Variants in DNM1L observed in about 807,000 individuals in gnomAD.
DNM1L encodes the protein dynamin 1L.
Under a neutral mutation model 92.8 loss-of-function variants are expected in DNM1L, and 33 were observed. That is an observed-to-expected ratio of 0.36 (90% CI 0.27 to 0.48). The LOEUF is 0.48. Among genes scored for constraint, DNM1L ranks in the 20% least tolerant of loss-of-function variants. The pLI, the probability that DNM1L is intolerant of heterozygous loss-of-function variation, is 0.99. For synonymous variants in DNM1L, 284 were observed against 305.0 expected (o/e 0.93, Z 0.72); for missense variants, 485 against 888.8 (o/e 0.55, Z 5.78).
intron 2 of DNM1L, chr12:32,705,943 G>A (rs1213618008): frequency 1.5e-6 from 2 of 1,296,418 alleles, no homozygotes; most frequent in Non-Finnish European, 1.0e-6. Flanking sequence ...CAGGCTGTGT[G>A]TATTTTTTTT....
chr12:32,734,391 G>T (rs1191997660), intron 13 of DNM1L, among the ~76,000 whole-genome samples: 1 of 152,132 alleles, frequency 6.6e-6, no homozygotes, highest in South Asian at 2.1e-4. Flanking sequence ...CCCTAATTCA[G>T]TAAGACCTGA....
rs1400863032 is a variant in DNM1L at position 32,731,373 on chromosome 12, A to G, written c.1218A>G (p.Leu406=). The change falls in exon 11 of 20, where the codon TTA becomes TTG. Residue 406 remains leucine, a synonymous_variant. Coordinates refer to ENST00000549701, the MANE Select transcript of DNM1L (RefSeq NM_012062.5). This position sits in a 1 kb window ranked among gnomAD's most constrained non-coding sequence, Gnocchi z 5.1. ...IRNATGPRPA[L]FVPEVSFELL... ...TTTCTCAGGGTCCTCGTCCTGCTTT[A>G]TTTGTGCCTGAGGTTTCATTTGAGT... is the stretch of plus-strand genomic sequence containing the variant. 1 of 1,614,040 alleles carries G rather than the reference A, an allele frequency of 6.2e-7. No homozygotes were observed. Among genetic ancestry groups the G allele is most frequent in the African/African-American group, 1.3e-5 (1 of 74,918 alleles).
intron 13 of DNM1L, among the ~76,000 whole-genome samples, chr12:32,736,264 G>T (rs1416434568): frequency 6.6e-6 from 1 of 151,736 alleles, no homozygotes; most frequent in East Asian, 1.9e-4. Context: ...TAGAGACAGG[G>T]TTTCACCATT....
rs769836116 is a variant in DNM1L, at chr12:32,742,648, A to G, written c.2054A>G (p.Glu685Gly). Reference protein sequence around the residue: ...VNHVKDTLQSELVGQLYKSSL... With the variant: ...VNHVKDTLQSGLVGQLYKSSL... ...CATGTGAAAGACACTCTTCAGAGTG[A>G]GCTAGTAGGCCAGCTGTATAAATCA... The change falls in exon 19 of 20, where the codon GAG becomes GGG. Residue 685 changes from glutamate (E) to glycine (G), a missense_variant. Around this residue, in one of 11 missense-constraint regions of DNM1L, gnomAD observed 133 missense variants for 210.9 expected, o/e 0.63. Coordinates refer to ENST00000549701, the MANE Select transcript of DNM1L (RefSeq NM_012062.5). The G allele has an allele frequency of 2.5e-6, 4 of 1,614,152 alleles. No homozygotes were observed. In the South Asian group the frequency reaches 4.4e-5, roughly 18 times the overall value.
intron 7 of DNM1L, among the ~76,000 whole-genome samples, chr12:32,719,239 T>C (rs769770288): frequency 6.6e-6 from 1 of 152,204 alleles, no homozygotes; most frequent in South Asian, 2.1e-4. Context: ...CATGAGCCAC[T>C]GTGCCTGCCC....
At position 32,737,832 on chromosome 12, in the gene DNM1L, AT is replaced by A. The variant is rs770263681; in HGVS notation, c.1597-25del. ...TCCTGAATGCATTTTTGCATCCTTGATTTTTTTTCCCCCCTGGATTTTTTGC... is the reference window on the plus strand; with the variant it reads ...TCCTGAATGCATTTTTGCATCCTTGATTTTTTTCCCCCCTGGATTTTTTGC... On this transcript the variant is annotated intron_variant, in intron 14 of 19. Coordinates refer to ENST00000549701, the MANE Select transcript of DNM1L (RefSeq NM_012062.5). The A allele has an allele frequency of 1.8e-4, 292 of 1,586,998 alleles. No individual in the cohort carries two copies. The East Asian group carries it at 2.0e-3, about 11-fold the overall frequency.
At chr12:32,705,573 T>C (rs931932961) in intron 2 of DNM1L, 11 of 372,874 alleles carry the variant, frequency 3.0e-5, no homozygotes, top group Middle Eastern at 7.2e-4. Context: ...TGGCAAGCAA[T>C]ATGCTTTGTT....
intron 6 of DNM1L, among the ~76,000 whole-genome samples, chr12:32,718,086 T>A (rs1488161035): frequency 1.1e-4 from 15 of 134,514 alleles, no homozygotes; most frequent in Admixed American, 3.3e-4. Flanking sequence ...TATACATATT[T>A]TATATATATA....
intron 13 of DNM1L, among the ~76,000 whole-genome samples, chr12:32,734,022 C>A (rs1954722176): frequency 6.6e-6 from 1 of 152,136 alleles, no homozygotes; most frequent in African/African-American, 2.4e-5. Context: ...AATTGAAATT[C>A]AGAAAGAATC....
At chr12:32,738,039 G>C in intron 15 of DNM1L, 97 bp downstream of exon 15, 1 of 1,361,396 alleles carries the variant, frequency 7.3e-7, no homozygotes, top group Non-Finnish European at 1.0e-6. Context: ...TATTAATATG[G>C]GATACTGTGC....
intron 9 of DNM1L, among the ~76,000 whole-genome samples, chr12:32,724,576 CAAAAAA>C (rs10535838): frequency 2.1e-3 from 199 of 95,904 alleles, no homozygotes; most frequent in Middle Eastern, 0.013. Flanking sequence ...ACTCTATCTC[CAAAAAA>C]AAAAAAAAAA....
chr12:32,703,614 C>CAAAA (rs61051514), intron 2 of DNM1L, among the ~76,000 whole-genome samples: 7 of 86,884 alleles, frequency 8.1e-5, no homozygotes, highest in African/African-American at 2.6e-4. Context: ...CATAAACTTT[C>CAAAA]AAAAAAAAAA....
chr12:32,703,713 A>G (rs1283421245), intron 2 of DNM1L, among the ~76,000 whole-genome samples: 1 of 152,174 alleles, frequency 6.6e-6, no homozygotes, highest in Non-Finnish European at 1.5e-5. Context: ...CTAGGTTACC[A>G]ATAGTAGATT....
chr12:32,715,487 CT>C (rs575805645), intron 6 of DNM1L, among the ~76,000 whole-genome samples: 269 of 152,150 alleles, frequency 1.8e-3, no homozygotes, highest in Non-Finnish European at 2.5e-3. Context: ...AATCCCAGCA[CT>C]TTGGGAGGCT....
intron 1 of DNM1L, 97 bp from the exon 2 acceptor site, chr12:32,701,318 A>G: frequency 8.7e-7 from 1 of 1,152,392 alleles, no homozygotes; most frequent in Non-Finnish European, 1.2e-6. Context: ...TTTTCCTTTA[A>G]AATAATTCTG....
In DNM1L at chr12:32,730,336, C is replaced by T. The variant is rs539709116; in HGVS notation, c.1080-678C>T. 5.5e-4 allele frequency among the ~76,000 whole-genome samples: 84 copies of T among 152,244 alleles called. 1 individual carries two copies. Among genetic ancestry groups the T allele is most frequent in the African/African-American group, 2.0e-3 (83 of 41,570 alleles). ...CCAAGAGCGCACCACTGCACTCCAG[C>T]CTGGGCGACACAGCGAGACTCCGTC... On this transcript the variant is annotated intron_variant, in intron 9 of 19. Coordinates refer to ENST00000549701, the MANE Select transcript of DNM1L (RefSeq NM_012062.5).
intron 16 of DNM1L, 119 bp downstream of exon 16, chr12:32,738,415 T>C: frequency 1.0e-5 from 11 of 1,103,170 alleles, no homozygotes; most frequent in Non-Finnish European, 1.5e-5. Flanking sequence ...CTGTGTTATG[T>C]TCTTAATGTT....
At chr12:32,713,666 T>C (rs534433039) in intron 6 of DNM1L, among the ~76,000 whole-genome samples, 1 of 152,236 alleles carries the variant, frequency 6.6e-6, no homozygotes, top group South Asian at 2.1e-4. Context: ...ACCTAGGTAT[T>C]TGAATAGTTG....
In DNM1L at chr12:32,717,382, TAA is replaced by T. The variant is rs1491468659; in HGVS notation, c.620-1260_620-1259del. 1.7e-4 allele frequency among the ~76,000 whole-genome samples: 13 copies of T among 77,638 alleles called. 1 individual carries two copies. The highest frequency in any genetic ancestry group is 1.2e-3 in the East Asian group (4 of 3,386). The allele number at this position is 77,638 out of a possible 152,430, so 50.9% of individuals were successfully genotyped here. On this transcript the variant is annotated intron_variant, in intron 6 of 19. Coordinates refer to ENST00000549701, the MANE Select transcript of DNM1L (RefSeq NM_012062.5). ...GTATATATAATATATATACTATATA[TAA>T]TATATAGTATATATAATATATAATA...
Sources: allele counts gnomAD v4.1 joint callset (sites outside exome capture counted in the v4.1 genomes callset), GRCh38; gene constraint gnomAD v4.1.1; regional missense constraint gnomAD v4.1.1; non-coding constraint Gnocchi (gnomAD v3.1); transcripts MANE v1.5; gene names NCBI Gene and HGNC (gene_info 2026-07-23, HGNC 2026-07-21).